The following STIM1 variants were observed in gnomAD, a reference collection of about 807,000 sequenced individuals.
The protein encoded by STIM1 is stromal interaction molecule 1.
A neutral mutation model predicts 74.7 loss-of-function variants in STIM1; 25 were observed. That is an observed-to-expected ratio of 0.33 (90% CI 0.24 to 0.47). The LOEUF (loss-of-function observed/expected upper bound fraction) is 0.47, where lower values mean the gene tolerates loss of function less well. Ranked by LOEUF, STIM1 falls within the 20% of genes least tolerant of loss-of-function variation. The probability of loss-of-function intolerance (pLI) is 1.00; values close to 1 mark genes in which losing one functional copy is unlikely to be tolerated. For missense variants in STIM1, 728 were observed against 920.8 expected (o/e 0.79, Z 2.71); for synonymous variants, 328 against 348.8 (o/e 0.94, Z 0.66).
intron 2 of STIM1, among the ~76,000 whole-genome samples, chr11:4,013,643 C>A (rs2093863028): frequency 7.4e-6 from 1 of 134,994 alleles, no homozygotes; most frequent in Non-Finnish European, 1.6e-5. Context: ...ATTCTTCTCT[C>A]TTCTTTGTTG....
At chr11:4,003,951 C>G (rs996331672) in intron 2 of STIM1, among the ~76,000 whole-genome samples, 5 of 152,134 alleles carry the variant, frequency 3.3e-5, no homozygotes, top group African/African-American at 9.7e-5. Context: ...CAATAACAGA[C>G]AAACAGAGAG....
chr11:3,918,757 C>T (rs2092682768), intron 1 of STIM1, among the ~76,000 whole-genome samples: 1 of 151,740 alleles, frequency 6.6e-6, no homozygotes, highest in Admixed American at 6.6e-5. Flanking sequence ...CCATGTGGAT[C>T]GAGAACAGGA....
chr11:3,931,262 C>T (rs2092856377), intron 1 of STIM1, among the ~76,000 whole-genome samples: 1 of 152,168 alleles, frequency 6.6e-6, no homozygotes, highest in South Asian at 2.1e-4. Context: ...CAAAGGCTTA[C>T]AGGCCAGGCA....
At chr11:4,081,150 A>G (rs1004578822) in intron 7 of STIM1, among the ~76,000 whole-genome samples, 3 of 152,308 alleles carry the variant, frequency 2.0e-5, no homozygotes, top group African/African-American at 7.2e-5. Context: ...TGTTTACCTC[A>G]TTGGCTGAAG....
At chr11:4,046,536 G>A (rs952706666) in intron 3 of STIM1, among the ~76,000 whole-genome samples, 4 of 152,140 alleles carry the variant, frequency 2.6e-5, no homozygotes, top group Non-Finnish European at 5.9e-5. Context: ...TCTTCTTGAG[G>A]ACATTAAGAG....
chr11:4,017,008 C>A (rs1019499508), intron 2 of STIM1, among the ~76,000 whole-genome samples: 1 of 152,222 alleles, frequency 6.6e-6, no homozygotes, highest in Non-Finnish European at 1.5e-5. Flanking sequence ...AAGGGAAATC[C>A]CCTGACCCCT....
At chr11:3,971,546 AAAAAC>A (rs142441098) in intron 2 of STIM1, among the ~76,000 whole-genome samples, 3 of 151,928 alleles carry the variant, frequency 2.0e-5, no homozygotes, top group African/African-American at 7.3e-5. Flanking sequence ...AAAAAAACAA[AAAAAC>A]AAAACAAAAC....
At chr11:3,880,294 G>A (rs926838620) in intron 1 of STIM1, among the ~76,000 whole-genome samples, 2 of 152,328 alleles carry the variant, frequency 1.3e-5, no homozygotes, top group East Asian at 1.9e-4. Flanking sequence ...AAGCCTGCTA[G>A]CACCTGTGAC....
At chr11:4,083,223 A>T (rs2094474334) in intron 9 of STIM1, 40 bp from the exon 10 acceptor site, 1 of 1,601,272 alleles carries the variant, frequency 6.2e-7, no homozygotes, top group Non-Finnish European at 8.6e-7. Flanking sequence ...TGGGGCTCAC[A>T]CCAAGTCCAT....
At chr11:3,950,134 A>AT (rs574446467) in intron 1 of STIM1, among the ~76,000 whole-genome samples, 11,062 of 132,166 alleles carry the variant, frequency 0.084, 763 homozygotes, top group East Asian at 0.18. Flanking sequence ...TAGGTCATTC[A>AT]TTTTTTTTTT....
chr11:3,905,886 A>G (rs2092457936), intron 1 of STIM1, among the ~76,000 whole-genome samples: 1 of 152,200 alleles, frequency 6.6e-6, no homozygotes, highest in African/African-American at 2.4e-5. Context: ...CTAGAGGGAC[A>G]AAGGTAGAGT....
intron 1 of STIM1, among the ~76,000 whole-genome samples, chr11:3,958,806 C>T (rs2093250208): frequency 6.6e-6 from 1 of 151,976 alleles, no homozygotes; most frequent in Non-Finnish European, 1.5e-5. Flanking sequence ...CCCGTCTGTA[C>T]TAAAAATACA....
intron 1 of STIM1, among the ~76,000 whole-genome samples, chr11:3,938,858 T>C (rs916392232): frequency 3.9e-5 from 6 of 152,018 alleles, no homozygotes; most frequent in Admixed American, 3.9e-4. Flanking sequence ...AAAAGACAGT[T>C]TAAGACCATC....
chr11:4,086,658 A>C, intron 12 of STIM1, 115 bp downstream of exon 12: 1 of 1,552,690 alleles, frequency 6.4e-7, no homozygotes, highest in Non-Finnish European at 8.7e-7. Flanking sequence ...CCAGCTCTCC[A>C]TCTGCCTCTG....
intron 4 of STIM1, among the ~76,000 whole-genome samples, chr11:4,056,934 C>T (rs1480868539): frequency 1.3e-5 from 2 of 152,248 alleles, no homozygotes; most frequent in East Asian, 1.9e-4. Flanking sequence ...TCTAAATGCC[C>T]TGCTTTTTTT....
intron 1 of STIM1, among the ~76,000 whole-genome samples, chr11:3,955,737 G>C (rs2093204033): frequency 6.6e-6 from 1 of 151,976 alleles, no homozygotes; most frequent in South Asian, 2.1e-4. Flanking sequence ...TGATTTAATT[G>C]GTCTGGTGTG....
At chr11:3,948,403 C>T (rs1255404491) in intron 1 of STIM1, among the ~76,000 whole-genome samples, 1 of 151,778 alleles carries the variant, frequency 6.6e-6, no homozygotes, top group Non-Finnish European at 1.5e-5. Flanking sequence ...TGAGGAGAAC[C>T]TAATATTTAT....
chr11:3,941,388 A>G lies in STIM1; in HGVS notation c.140-26164A>G, dbSNP rs535570439. Among the ~76,000 whole-genome samples the G allele has an allele frequency of 2.6e-5, 4 of 152,212 alleles. No individual in the cohort carries two copies. The South Asian group carries it at 6.2e-4, about 24-fold the overall frequency. On this transcript the variant is annotated intron_variant, in intron 1 of 12. Transcript: ENST00000526596. ...TGAATTAGAGGAAAGAGAGTTGGCA[A>G]TGGGCTCTTGAGATAGGGTGTGTCC... is the stretch of plus-strand genomic sequence containing the variant.
intron 3 of STIM1, among the ~76,000 whole-genome samples, chr11:4,046,474 A>G (rs1197013608): frequency 6.6e-6 from 1 of 151,838 alleles, no homozygotes; most frequent in Non-Finnish European, 1.5e-5. Context: ...CAAATAGTCT[A>G]ATCTTCCCCC....
Sources: gnomAD v4.1 joint callset for allele counts (sites outside exome capture counted in the v4.1 genomes callset) on GRCh38, gnomAD v4.1.1 for gene constraint, MANE v1.5 for transcripts, NCBI Gene and HGNC (gene_info 2026-07-23, HGNC 2026-07-21) for gene names.